Variants in CILK1 observed in about 807,000 individuals in gnomAD.
CILK1 encodes the protein serine/threonine-protein kinase ICK.
In CILK1, 47 loss-of-function variants were observed where a neutral mutation model predicts 79.2. That is an observed-to-expected ratio of 0.59 (90% CI 0.47 to 0.76). CILK1 has a LOEUF of 0.76. CILK1 is among the 30% of genes least tolerant of loss of function. The probability of loss-of-function intolerance (pLI) is 0.00; values close to 1 mark genes in which losing one functional copy is unlikely to be tolerated. For missense variants in CILK1, 660 were observed against 769.5 expected (o/e 0.86, Z 1.68); for synonymous variants, 266 against 275.9 (o/e 0.96, Z 0.36).
At position 53,002,078 on chromosome 6, in the gene CILK1, G is replaced by A. The variant is rs1193892692; in HGVS notation, c.*3071C>T. ...TAGATGTATATAGTCCTTTAGGCAA[G>A]AGATACATTTAAAAAATTATTTGAA... On this transcript the variant is annotated 3_prime_UTR_variant, in exon 14 of 14. Coordinates refer to ENST00000676107, the MANE Select transcript of CILK1 (RefSeq NM_014920.5). 6.6e-6 allele frequency: 1 copy of A among 152,386 alleles called. No homozygotes were observed. Among genetic ancestry groups the A allele is most frequent in the African/African-American group, 2.4e-5 (1 of 41,456 alleles). 9.4% of individuals were successfully genotyped at this position (152,386 alleles called of 1,614,324 possible).
At chr6:53,016,053 G>A (rs187117033) in intron 8 of CILK1, 30 bp downstream of exon 8, 2 of 1,606,610 alleles carry the variant, frequency 1.2e-6, no homozygotes, top group African/African-American at 1.3e-5. Flanking sequence ...AGTTAGATAT[G>A]AACGTTATAA....
intron 5 of CILK1, among the ~76,000 whole-genome samples, chr6:53,020,996 G>C (rs1301685581): frequency 2.6e-5 from 4 of 152,178 alleles, no homozygotes; most frequent in African/African-American, 9.7e-5. Flanking sequence ...TCCTTACCCA[G>C]TTATGAGATT....
At chr6:53,054,218 T>C (rs912527764) in intron 1 of CILK1, among the ~76,000 whole-genome samples, 1 of 152,072 alleles carries the variant, frequency 6.6e-6, no homozygotes, top group African/African-American at 2.4e-5. Flanking sequence ...AACCTACACA[T>C]ATAGACCCGA....
chr6:53,020,340 A>T (rs1765156572), intron 5 of CILK1, among the ~76,000 whole-genome samples: 1 of 152,180 alleles, frequency 6.6e-6, no homozygotes, highest in Non-Finnish European at 1.5e-5. Flanking sequence ...GAGTATCACC[A>T]ACCTAGACAT....
At chr6:53,019,468 C>T (rs1448556224) in intron 5 of CILK1, 109 bp from the exon 6 acceptor site, 2 of 1,262,146 alleles carry the variant, frequency 1.6e-6, no homozygotes, top group Non-Finnish European at 2.2e-6. Context: ...AGTAGTCTGG[C>T]ATGGCACCAA....
At chr6:53,046,135 TA>T (rs1038092553) in intron 1 of CILK1, among the ~76,000 whole-genome samples, 7 of 152,228 alleles carry the variant, frequency 4.6e-5, no homozygotes, top group African/African-American at 1.4e-4. Context: ...TCTCCTGCCT[TA>T]ATTACATGAC....
intron 1 of CILK1, among the ~76,000 whole-genome samples, chr6:53,051,316 A>G (rs1204584768): frequency 6.6e-6 from 1 of 152,228 alleles, no homozygotes; most frequent in Admixed American, 6.5e-5. Context: ...TTAATTTCCC[A>G]CAGCTGCTCC....
intron 1 of CILK1, among the ~76,000 whole-genome samples, chr6:53,057,044 T>G (rs996311552): frequency 6.6e-6 from 1 of 152,232 alleles, no homozygotes; most frequent in Admixed American, 6.5e-5. Context: ...CATTCTCTAG[T>G]AAATTCTCTT....
chr6:53,057,036 T>G (rs965925270), intron 1 of CILK1, among the ~76,000 whole-genome samples: 2 of 152,228 alleles, frequency 1.3e-5, no homozygotes, highest in African/African-American at 4.8e-5. Flanking sequence ...AGTTAAATCA[T>G]TCTCTAGTAA....
intron 1 of CILK1, among the ~76,000 whole-genome samples, chr6:53,043,342 A>G (rs1036648257): frequency 2.6e-5 from 4 of 151,424 alleles, no homozygotes; most frequent in Non-Finnish European, 4.4e-5. Context: ...ATATTAAAAA[A>G]TAAAATAAAT....
chr6:53,051,404 C>A (rs1371299996), intron 1 of CILK1, among the ~76,000 whole-genome samples: 1 of 152,142 alleles, frequency 6.6e-6, no homozygotes, highest in Admixed American at 6.5e-5. Flanking sequence ...AAGTCTGAAA[C>A]CAGTATTCCT....
At chr6:53,026,675 G>C (rs1488447133) in intron 5 of CILK1, among the ~76,000 whole-genome samples, 1 of 152,176 alleles carries the variant, frequency 6.6e-6, no homozygotes, top group African/African-American at 2.4e-5. Context: ...TTCTGCTGGT[G>C]TGTGCAATGT....
At chr6:53,044,924 G>C (rs1210702660) in intron 1 of CILK1, among the ~76,000 whole-genome samples, 1 of 152,146 alleles carries the variant, frequency 6.6e-6, no homozygotes, top group African/African-American at 2.4e-5. Context: ...ATAAATTTCT[G>C]TTAAGACACC....
At chr6:53,033,651 A>C (rs1766121463) in intron 3 of CILK1, among the ~76,000 whole-genome samples, 1 of 152,220 alleles carries the variant, frequency 6.6e-6, no homozygotes, top group South Asian at 2.1e-4. Context: ...AAGAGAGTCC[A>C]ATATTAAGTT....
At chr6:53,006,261 TG>T in intron 13 of CILK1, 53 bp downstream of exon 13, 1 of 1,570,472 alleles carries the variant, frequency 6.4e-7, no homozygotes, top group Non-Finnish European at 8.8e-7. Flanking sequence ...ACAAAGCAGT[TG>T]TTGAGTAACC....
In CILK1 at chr6:53,018,483, T is replaced by G. The variant is rs748176275; in HGVS notation, c.510A>C (p.Val170=). 3.7e-6 allele frequency: 6 copies of G among 1,614,022 alleles called. No individual in the cohort carries two copies. The highest frequency in any genetic ancestry group is 3.3e-5 in the Admixed American group (2 of 60,010). The change falls in exon 7 of 14, where the codon GTA becomes GTC. Residue 170 remains valine (V), a synonymous_variant. Coordinates refer to ENST00000676107, the MANE Select transcript of CILK1 (RefSeq NM_014920.5). ...AGCTGTAGTTGGTAGACCTCAGGAGTACTTCTGGAGCCCTGTACCTGGAGG... is the reference window on the plus strand; with the variant it reads ...AGCTGTAGTTGGTAGACCTCAGGAGGACTTCTGGAGCCCTGTACCTGGAGG... ...VSTRWYRAPE[V]LLRSTNYSSP...
chr6:53,044,065 C>A lies in CILK1; in HGVS notation c.-172-2657G>T, dbSNP rs570023589. On this transcript the variant is annotated intron_variant, in intron 1 of 13. Transcript: ENST00000676107. ...TGGCAGAGTTTTGTTTATGGAGGAA[C>A]CCAGATGCCATTTTTTAAAATACAG... Among the ~76,000 whole-genome samples, 6 of 152,184 alleles carry A rather than the reference C, an allele frequency of 3.9e-5. No individual in the cohort carries two copies. In the South Asian group the frequency reaches 1.0e-3, roughly 26 times the overall value.
intron 3 of CILK1, among the ~76,000 whole-genome samples, chr6:53,037,206 A>C (rs548680374): frequency 5.3e-4 from 80 of 152,340 alleles, no homozygotes; most frequent in Middle Eastern, 3.4e-3. Flanking sequence ...TGTAAAACTC[A>C]ATGTGATCAA....
At chr6:53,047,247 G>A (rs1276475992) in intron 1 of CILK1, among the ~76,000 whole-genome samples, 1 of 152,152 alleles carries the variant, frequency 6.6e-6, no homozygotes, top group East Asian at 1.9e-4. Context: ...TAGCTAGAAA[G>A]TTAGGGTGGG....
Sources: gnomAD v4.1 joint callset for allele counts (sites outside exome capture counted in the v4.1 genomes callset) on GRCh38, gnomAD v4.1.1 for gene constraint, MANE v1.5 for transcripts, NCBI Gene and HGNC (gene_info 2026-07-23, HGNC 2026-07-21) for gene names.